Variants in TEX15 observed in about 807,000 individuals in gnomAD.
The protein encoded by TEX15 is testis expressed 15, meiosis and synapsis associated, also known as testis-expressed protein 15.
In TEX15, 171 loss-of-function variants were observed where a neutral mutation model predicts 237.3. The ratio of observed to expected loss-of-function variants is 0.72; its 90% CI spans 0.64 to 0.82. The LOEUF (loss-of-function observed/expected upper bound fraction) is 0.82, where lower values mean the gene tolerates loss of function less well. Among genes scored for constraint, TEX15 ranks in the 40% least tolerant of loss-of-function variants. The pLI is 0.00. For missense variants in TEX15, 3,750 were observed against 3,646.5 expected (o/e 1.03, Z -0.73); for synonymous variants, 1,338 against 1,269.8 (o/e 1.05, Z -1.14).
At chr8:30,895,407 G>A (rs1187132312) in intron 2 of TEX15, among the ~76,000 whole-genome samples, 1 of 151,412 alleles carries the variant, frequency 6.6e-6, no homozygotes, top group African/African-American at 2.4e-5. Flanking sequence ...TGGACTAGAA[G>A]TTTGAAACCA....
rs776683344 is a variant in TEX15 at position 30,848,277 on chromosome 8, A to G, written c.1890T>C (p.Ser630=). The stretch of plus-strand genomic sequence containing the variant: ...AAGTTTGCTTTTCTTCATGTTTGGA[A>G]CTGTCTTCCAGGTCAGCGAAGTTTT... The part of the protein sequence containing the change: ...KMKNFADLED[S]SKHEEKQTSW... Residue 630 remains serine, a synonymous_variant, in exon 8 of 11, where the codon AGT becomes AGC. Coordinates refer to ENST00000643185, the MANE Select transcript of TEX15 (RefSeq NM_001350162.2). The G allele has an allele frequency of 3.0e-5, 49 of 1,612,676 alleles. No homozygotes were observed. The highest frequency in any genetic ancestry group is 3.6e-5 in the Non-Finnish European group (43 of 1,179,742).
rs146157018 is a variant in TEX15 at position 30,838,041 on chromosome 8, T to C, written c.8243A>G (p.Lys2748Arg). The change falls in exon 10 of 11, where the codon AAA (lysine) becomes AGA (arginine). Residue 2748 changes from lysine (K) to arginine (R), a missense_variant. Transcript: ENST00000643185. ...ACTTGGTACTATTTTGTTTTCGCTTTTGGGATGAGATCCTGTAGTCCTATT... is the reference window on the plus strand; with the variant it reads ...ACTTGGTACTATTTTGTTTTCGCTTCTGGGATGAGATCCTGTAGTCCTATT... ...KHPRTTGSHP[K>R]SENKIVPSSC... is the part of the protein sequence containing the mutation. 6.2e-7 allele frequency: 1 copy of C among 1,612,346 alleles called. No individual in the cohort carries two copies. Among genetic ancestry groups the C allele is most frequent in the Non-Finnish European group, 8.5e-7 (1 of 1,179,494 alleles).
intron 7 of TEX15, among the ~76,000 whole-genome samples, chr8:30,849,936 A>C (rs1226698317): frequency 6.6e-6 from 1 of 152,114 alleles, no homozygotes; most frequent in Non-Finnish European, 1.5e-5. Flanking sequence ...ATAAAACTAA[A>C]TAGGAATAAA....
Position 30,875,018 on chromosome 8 carries a change from C to A in TEX15, c.221G>T (p.Cys74Phe). 7.1e-7 allele frequency: 1 copy of A among 1,399,384 alleles called. No homozygotes were observed. Among genetic ancestry groups the A allele is most frequent in the Non-Finnish European group, 9.3e-7 (1 of 1,075,622 alleles). 86.7% of individuals were successfully genotyped at this position (1,399,384 alleles called of 1,614,324 possible). A position where few individuals can be genotyped will look rare whatever the true frequency, so the allele number is the denominator to read the frequency against. The change falls in exon 4 of 11, where the codon TGT becomes TTT. Residue 74 changes from cysteine to phenylalanine, a missense_variant. Transcript: ENST00000643185. The stretch of plus-strand genomic sequence containing the variant: ...AAACTGCCATAACGACTGCAGATCA[C>A]AGTTTACATCAAGCCTGCACTGGTT... Reference protein sequence around the residue: ...TLNQCRLDVNCDLQSLWQFGD... With the variant: ...TLNQCRLDVNFDLQSLWQFGD...
At chr8:30,888,101 G>A (rs1303069028) in intron 2 of TEX15, among the ~76,000 whole-genome samples, 1 of 150,158 alleles carries the variant, frequency 6.7e-6, no homozygotes, top group Non-Finnish European at 1.5e-5. Flanking sequence ...TTTCTTTTGA[G>A]ACAGGGTCTC....
chr8:30,860,277 G>A (rs1304807021), intron 5 of TEX15, among the ~76,000 whole-genome samples: 16 of 151,914 alleles, frequency 1.1e-4, no homozygotes, highest in African/African-American at 3.4e-4. Flanking sequence ...AAGCACCACC[G>A]TGCCCAGCTA....
intron 3 of TEX15, among the ~76,000 whole-genome samples, chr8:30,878,674 A>G (rs1044777621): frequency 1.3e-5 from 2 of 152,148 alleles, no homozygotes; most frequent in Non-Finnish European, 2.9e-5. Context: ...TGCGTGAGCC[A>G]CTGTGCCTGG....
At chr8:30,867,896 G>T (rs760889077) in intron 4 of TEX15, among the ~76,000 whole-genome samples, 11 of 152,022 alleles carry the variant, frequency 7.2e-5, no homozygotes, top group Non-Finnish European at 1.2e-4. Context: ...AAATCTTGCC[G>T]AAGTAGGAAA....
In TEX15 at chr8:30,846,381, A is replaced by C. The variant is rs1171348806; in HGVS notation, c.3786T>G (p.Phe1262Leu). 1 of 1,613,420 alleles carries C rather than the reference A, an allele frequency of 6.2e-7. No homozygotes were observed. Among genetic ancestry groups the C allele is most frequent in the East Asian group, 2.2e-5 (1 of 44,868 alleles). The part of the protein sequence containing the change: ...TSENQNSESL[F>L]TEPSNVTTID... ...TTGTTGTGACATTAGAAGGTTCAGT[A>C]AACAAAGATTCACTGTTCTGATTTT... Residue 1262 changes from phenylalanine (F) to leucine (L), a missense_variant, in exon 8 of 11, where the codon TTT (phenylalanine) becomes TTG (leucine). Transcript: ENST00000643185.
Position 30,848,279 on chromosome 8 carries a change from T to C in TEX15, c.1888A>G (p.Ser630Gly), listed in dbSNP as rs1807674298. The C allele has an allele frequency of 6.2e-7, 1 of 1,612,738 alleles. No individual in the cohort carries two copies. The change falls in exon 8 of 11, where the codon AGT (serine) becomes GGT (glycine). Residue 630 changes from serine (S) to glycine (G), a missense_variant. Coordinates refer to ENST00000643185, the MANE Select transcript of TEX15 (RefSeq NM_001350162.2). ...GTTTGCTTTTCTTCATGTTTGGAAC[T>C]GTCTTCCAGGTCAGCGAAGTTTTTC... ...KMKNFADLED[S>G]SKHEEKQTSW...
chr8:30,892,302 A>G (rs867708717), intron 2 of TEX15, among the ~76,000 whole-genome samples: 6 of 152,126 alleles, frequency 3.9e-5, no homozygotes, highest in Non-Finnish European at 8.8e-5. Flanking sequence ...CATTTTCCAC[A>G]TATGTATGAA....
intron 5 of TEX15, among the ~76,000 whole-genome samples, chr8:30,861,271 A>G (rs1230122468): frequency 6.6e-6 from 1 of 152,190 alleles, no homozygotes; most frequent in Non-Finnish European, 1.5e-5. Context: ...ATAGGCCAAT[A>G]TTTATTCAAT....
At chr8:30,833,401 G>C (rs545022694) in intron 10 of TEX15, 78 bp from the exon 11 acceptor site, 1 of 1,124,756 alleles carries the variant, frequency 8.9e-7, no homozygotes, top group Non-Finnish European at 1.3e-6. Flanking sequence ...GAAAGAACCT[G>C]AGTTTAAATT....
At chr8:30,863,848 C>T (rs1286538589) in intron 5 of TEX15, among the ~76,000 whole-genome samples, 1 of 151,922 alleles carries the variant, frequency 6.6e-6, no homozygotes, top group African/African-American at 2.4e-5. Context: ...ACAACCAAAC[C>T]CTGGGAGGAG....
At chr8:30,838,748 ATGTG>A (rs1349057248) in intron 9 of TEX15, among the ~76,000 whole-genome samples, 13 of 136,404 alleles carry the variant, frequency 9.5e-5, no homozygotes, top group African/African-American at 1.8e-4. Flanking sequence ...ACACATATGT[ATGTG>A]TATGTGTGTA....
chr8:30,871,019 T>C (rs936484842), intron 4 of TEX15, among the ~76,000 whole-genome samples: 6 of 151,994 alleles, frequency 3.9e-5, no homozygotes, highest in African/African-American at 9.7e-5. Context: ...AATCTCCTTT[T>C]TTCATCTTCA....
In TEX15 at chr8:30,848,263, T is replaced by C; in HGVS notation, c.1904A>G (p.Glu635Gly). The C allele has an allele frequency of 6.2e-7, 1 of 1,612,204 alleles. No individual in the cohort carries two copies. Among genetic ancestry groups the C allele is most frequent in the Non-Finnish European group, 8.5e-7 (1 of 1,179,642 alleles). Residue 635 changes from glutamate (E) to glycine (G), a missense_variant, in exon 8 of 11, where the codon GAA (glutamate) becomes GGA (glycine). Glu to Gly is a moderately conservative substitution (Grantham distance 98). Coordinates refer to ENST00000643185, the MANE Select transcript of TEX15 (RefSeq NM_001350162.2). ...ADLEDSSKHE[E>G]KQTSWKEIDN... is the part of the protein sequence containing the mutation. Reference sequence around the variant, plus strand: ...AATTTCTTTCCATGAAGTTTGCTTTTCTTCATGTTTGGAACTGTCTTCCAG... The same window carrying C: ...AATTTCTTTCCATGAAGTTTGCTTTCCTTCATGTTTGGAACTGTCTTCCAG...
At position 30,847,853 on chromosome 8, in the gene TEX15, G is replaced by A. The variant is rs761604975; in HGVS notation, c.2314C>T (p.Pro772Ser). 2 of 1,613,842 alleles carry A rather than the reference G, an allele frequency of 1.2e-6. No homozygotes were observed. The highest frequency in any genetic ancestry group is 3.3e-5 in the Admixed American group (2 of 60,008). The change falls in exon 8 of 11, where the codon CCC becomes TCC. Residue 772 changes from proline to serine, a missense_variant. Coordinates refer to ENST00000643185, the MANE Select transcript of TEX15 (RefSeq NM_001350162.2). ...TCAATGAACATTTCTTTGGCCTGGG[G>A]TATGTCTTTTGGTTTCGGGAAAGCT... is the stretch of plus-strand genomic sequence containing the variant. ...TEAFPKPKDIPQAKEMFIDTV... is the reference protein window; with the variant it reads ...TEAFPKPKDISQAKEMFIDTV...
In TEX15 at chr8:30,911,997, CAAA is replaced by C. The variant is rs144865930; in HGVS notation, c.-86+879_-86+881del. On this transcript the variant is annotated intron_variant, in intron 1 of 10. Coordinates refer to ENST00000643185, the MANE Select transcript of TEX15 (RefSeq NM_001350162.2). ...GAGCCACCAGGGCGAAGCAGCCCTG[CAAA>C]ACCTCCACTCAGCCTTACAACAGCC... is the stretch of plus-strand genomic sequence containing the variant. 2.2e-3 allele frequency among the ~76,000 whole-genome samples: 338 copies of C among 152,334 alleles called. 2 individuals carry two copies. The highest frequency in any genetic ancestry group is 7.2e-3 in the African/African-American group (299 of 41,584).
Sources: gnomAD v4.1 joint callset for allele counts (sites outside exome capture counted in the v4.1 genomes callset) on GRCh38, gnomAD v4.1.1 for gene constraint, MANE v1.5 for transcripts, NCBI Gene and HGNC (gene_info 2026-07-23, HGNC 2026-07-21) for gene names.